The following TNR variants were observed in gnomAD, a reference collection of about 807,000 sequenced individuals.
TNR encodes tenascin-R.
In TNR, 45 loss-of-function variants were observed where a neutral mutation model predicts 150.4. The observed-to-expected ratio is 0.30, with a 90% CI of 0.24 to 0.38. TNR has a LOEUF of 0.38. TNR is among the 10% of genes least tolerant of loss of function. TNR has a pLI of 1.00. For missense variants in TNR, 1,544 were observed against 1,759.1 expected (o/e 0.88, Z 2.19); for synonymous variants, 687 against 678.4 (o/e 1.01, Z -0.20).
intron 2 of TNR, among the ~76,000 whole-genome samples, chr1:175,491,094 T>C (rs762915166): frequency 3.3e-5 from 5 of 152,224 alleles, no homozygotes; most frequent in Non-Finnish European, 5.9e-5. Flanking sequence ...TTGGAAGCCA[T>C]TGTCCTCTGC....
intron 1 of TNR, among the ~76,000 whole-genome samples, chr1:175,727,020 A>G (rs1359169965): frequency 6.6e-6 from 1 of 152,184 alleles, no homozygotes; most frequent in Non-Finnish European, 1.5e-5. Context: ...ACTGAAATGA[A>G]GACCCTTTCT....
intron 1 of TNR, among the ~76,000 whole-genome samples, chr1:175,573,352 G>T (rs527713919): frequency 3.9e-5 from 6 of 152,334 alleles, no homozygotes; most frequent in South Asian, 2.1e-4. Flanking sequence ...AGGGAGGTGA[G>T]GTATGGAGCT....
intron 20 of TNR, among the ~76,000 whole-genome samples, chr1:175,331,062 TTTCTTTCTTTCTTTCC>T (rs1440886942): frequency 1.1e-4 from 14 of 123,998 alleles, no homozygotes; most frequent in Non-Finnish European, 1.7e-4. Context: ...TCTTTCTTTC[TTTCTTTCTTTCTTTCC>T]TTCTTTCTTT....
intron 14 of TNR, among the ~76,000 whole-genome samples, chr1:175,360,899 C>T (rs1190941293): frequency 6.6e-6 from 1 of 152,178 alleles, no homozygotes; most frequent in Non-Finnish European, 1.5e-5. Flanking sequence ...AAAACCACAA[C>T]AAACATACAA....
In TNR at chr1:175,403,522, A is replaced by G. The variant is rs1371134024; in HGVS notation, c.594T>C (p.Asn198=). The G allele has an allele frequency of 6.2e-7, 1 of 1,614,210 alleles. No individual in the cohort carries two copies. The highest frequency in any genetic ancestry group is 8.5e-7 in the Non-Finnish European group (1 of 1,180,036). ...CICNEGWFGK[N]CSEPYCPLGC... Reference sequence around the variant, plus strand: ...CCAGCGGGCAGTAGGGCTCCGAGCAATTCTTGCCAAACCAGCCTTCGTTGC... The same window carrying G: ...CCAGCGGGCAGTAGGGCTCCGAGCAGTTCTTGCCAAACCAGCCTTCGTTGC... Residue 198 remains asparagine, a synonymous_variant, in exon 4 of 23, where the codon AAT becomes AAC. Coordinates refer to ENST00000367674, the MANE Select transcript of TNR (RefSeq NM_003285.3).
chr1:175,333,975 G>A (rs946557634), intron 20 of TNR, among the ~76,000 whole-genome samples: 5 of 152,126 alleles, frequency 3.3e-5, no homozygotes, highest in African/African-American at 4.8e-5. Context: ...GAGAGGAGTC[G>A]GGGGAAGAGC....
intron 8 of TNR, among the ~76,000 whole-genome samples, chr1:175,385,372 A>C (rs1357131921): frequency 6.6e-6 from 1 of 152,176 alleles, no homozygotes. Context: ...GCTCTTTAAG[A>C]GTCCCAATGG....
At chr1:175,716,129 C>G (rs1042222522) in intron 1 of TNR, among the ~76,000 whole-genome samples, 2 of 152,190 alleles carry the variant, frequency 1.3e-5, no homozygotes, top group Non-Finnish European at 2.9e-5. Flanking sequence ...CTTCTGCTTC[C>G]TAGACCTAGG....
At chr1:175,462,510 C>T (rs529777824) in intron 2 of TNR, among the ~76,000 whole-genome samples, 3 of 152,324 alleles carry the variant, frequency 2.0e-5, no homozygotes, top group African/African-American at 7.2e-5. Context: ...CACACACCCT[C>T]ATTATGCACA....
rs77476590 is a variant in TNR at position 175,386,412 on chromosome 1, G to A, written c.1508-111C>T. On this transcript the variant is annotated intron_variant, in intron 7 of 22. Coordinates refer to ENST00000367674, the MANE Select transcript of TNR (RefSeq NM_003285.3). ...GTCTGGTGAGTCAGAGAGAGGATGGGTATTGTTACTGCATTTTACAGATGA... is the reference window on the plus strand; with the variant it reads ...GTCTGGTGAGTCAGAGAGAGGATGGATATTGTTACTGCATTTTACAGATGA... 5.9e-4 allele frequency: 686 copies of A among 1,170,496 alleles called. 4 individuals carry two copies. The African/African-American group carries it at 8.9e-3, about 15-fold the overall frequency. 72.5% of individuals were successfully genotyped at this position (1,170,496 alleles called of 1,614,324 possible).
chr1:175,421,792 C>CA (rs1349718789), intron 2 of TNR, among the ~76,000 whole-genome samples: 2 of 152,172 alleles, frequency 1.3e-5, no homozygotes, highest in East Asian at 3.8e-4. Context: ...AACATACCCA[C>CA]CAGCTTCAAG....
chr1:175,539,194 CAGGAAAAGAAA>C (rs1243327306), intron 1 of TNR: 4 of 152,274 alleles, frequency 2.6e-5, no homozygotes, highest in South Asian at 4.1e-4. Context: ...CACAGTTCCC[CAGGAAAAGAAA>C]AGGAAAAGAA....
intron 20 of TNR, among the ~76,000 whole-genome samples, chr1:175,334,424 G>C (rs74504172): frequency 0.015 from 2,222 of 152,346 alleles, 25 homozygotes; most frequent in African/African-American, 0.037. Context: ...GGAGGGATTT[G>C]AGTTCTGCTA....
chr1:175,557,577 A>G (rs1571604144), intron 1 of TNR, among the ~76,000 whole-genome samples: 2 of 152,140 alleles, frequency 1.3e-5, no homozygotes, highest in East Asian at 1.9e-4. Flanking sequence ...CAAGATAGCC[A>G]TCTCACACCA....
At chr1:175,498,843 C>T (rs772664188) in intron 2 of TNR, among the ~76,000 whole-genome samples, 20 of 152,156 alleles carry the variant, frequency 1.3e-4, no homozygotes, top group African/African-American at 3.1e-4. Context: ...CACATATAAC[C>T]GTTAGTATCA....
chr1:175,635,710 C>T (rs927349763), intron 1 of TNR, among the ~76,000 whole-genome samples: 1 of 152,116 alleles, frequency 6.6e-6, no homozygotes, highest in African/African-American at 2.4e-5. Context: ...CTGTGTGATG[C>T]TATGTTCTAC....
chr1:175,547,380 AT>A (rs1399765021), intron 1 of TNR, among the ~76,000 whole-genome samples: 1 of 152,080 alleles, frequency 6.6e-6, no homozygotes, highest in Non-Finnish European at 1.5e-5. Flanking sequence ...AGCTTCTATA[AT>A]CTTTACTTCT....
chr1:175,674,527 C>T (rs1440530785), intron 1 of TNR, among the ~76,000 whole-genome samples: 1 of 152,240 alleles, frequency 6.6e-6, no homozygotes, highest in Admixed American at 6.5e-5. Flanking sequence ...TGTGCACACA[C>T]AGCACACATG....
intron 1 of TNR, among the ~76,000 whole-genome samples, chr1:175,681,053 C>G (rs1246379134): frequency 6.6e-6 from 1 of 152,030 alleles, no homozygotes. Context: ...ATAGGAAGAC[C>G]CTTTGAGGGC....
Sources: gnomAD v4.1 joint callset for allele counts (sites outside exome capture counted in the v4.1 genomes callset) on GRCh38, gnomAD v4.1.1 for gene constraint, MANE v1.5 for transcripts, NCBI Gene and HGNC (gene_info 2026-07-23, HGNC 2026-07-21) for gene names.